Variants in GREM2 observed in about 807,000 individuals in gnomAD.
GREM2 encodes gremlin 2, DAN family BMP antagonist.
A neutral mutation model predicts 14.2 loss-of-function variants in GREM2; 11 were observed. The ratio of observed to expected loss-of-function variants is 0.78; its 90% CI spans 0.49 to 1.28. The LOEUF is 1.28. GREM2 is among the 50% of genes most tolerant of loss of function. GREM2 has a pLI of 0.00. For missense variants in GREM2, 210 were observed against 218.5 expected, an observed-to-expected ratio of 0.96 and a Z score of 0.24; for synonymous variants, 98 against 97.6, an observed-to-expected ratio of 1.00 and a Z score of -0.02.
chr1:240,526,677 A>G (rs1419845687), intron 1 of GREM2, among the ~76,000 whole-genome samples: 2 of 152,224 alleles, frequency 1.3e-5, no homozygotes, highest in African/African-American at 4.8e-5. Flanking sequence ...CTCCGTGCTT[A>G]CGTGGACGTG....
At chr1:240,528,725 A>G (rs1281080679) in intron 1 of GREM2, among the ~76,000 whole-genome samples, 1 of 152,130 alleles carries the variant, frequency 6.6e-6, no homozygotes, top group African/African-American at 2.4e-5. Flanking sequence ...CTGGCTTCTC[A>G]GTTGCAGCCG....
At chr1:240,510,342 C>T (rs1358407737) in intron 1 of GREM2, among the ~76,000 whole-genome samples, 2 of 129,404 alleles carry the variant, frequency 1.5e-5, no homozygotes, top group African/African-American at 3.0e-5. Context: ...TGCACTCCAG[C>T]CTGGGCGACA....
intron 1 of GREM2, among the ~76,000 whole-genome samples, chr1:240,495,527 A>T (rs1248928818): frequency 2.0e-5 from 3 of 152,210 alleles, no homozygotes; most frequent in Admixed American, 2.0e-4. Flanking sequence ...AGTACATCAA[A>T]CACTTACAGT....
intron 1 of GREM2, among the ~76,000 whole-genome samples, chr1:240,553,359 T>C (rs1678893829): frequency 6.6e-6 from 1 of 152,224 alleles, no homozygotes; most frequent in African/African-American, 2.4e-5. Context: ...GGGCAAATAA[T>C]ACATGCAATT....
At chr1:240,509,087 G>C (rs1029677184) in intron 1 of GREM2, among the ~76,000 whole-genome samples, 1 of 152,190 alleles carries the variant, frequency 6.6e-6, no homozygotes, top group Admixed American at 6.5e-5. Flanking sequence ...CCCATGTTTA[G>C]AGTAGAGGAC....
intron 1 of GREM2, among the ~76,000 whole-genome samples, chr1:240,521,306 C>A (rs143180833): frequency 3.3e-5 from 5 of 152,144 alleles, no homozygotes; most frequent in African/African-American, 1.2e-4. Context: ...CGGTGGCTCA[C>A]GCCTGTAATC....
At chr1:240,502,866 C>A (rs1003687472) in intron 1 of GREM2, among the ~76,000 whole-genome samples, 7 of 152,164 alleles carry the variant, frequency 4.6e-5, no homozygotes, top group Admixed American at 3.3e-4. Context: ...GTGGTTGGTC[C>A]AAGCCAATTG....
rs1261199860 is a variant in GREM2 at position 240,606,677 on chromosome 1, C to CTT, written c.-2+5205_-2+5206dup. ...TGGAAGAGTTAAGATTGAAACAGTT[C>CTT]TTTTTTTTTTTTTTTTTTGAGGTGG... On this transcript the variant is annotated intron_variant, in intron 1 of 1. Coordinates refer to ENST00000318160, the MANE Select transcript of GREM2 (RefSeq NM_022469.4). Among the ~76,000 whole-genome samples the CTT allele has an allele frequency of 1.2e-3, 159 of 131,318 alleles. 1 individual carries two copies. The highest frequency in any genetic ancestry group is 4.1e-3 in the African/African-American group (145 of 35,318). 86.1% of individuals were successfully genotyped at this position (131,318 alleles called of 152,430 possible).
At chr1:240,588,941 C>T (rs1199829474) in intron 1 of GREM2, 1 of 151,890 alleles carries the variant, frequency 6.6e-6, no homozygotes, top group African/African-American at 2.4e-5. Flanking sequence ...ATGAGACCCA[C>T]ATCCCTATAA....
At chr1:240,524,396 C>A (rs1468059013) in intron 1 of GREM2, among the ~76,000 whole-genome samples, 1 of 151,994 alleles carries the variant, frequency 6.6e-6, no homozygotes, top group African/African-American at 2.4e-5. Context: ...AGTTCATTGT[C>A]TTTTGATTTG....
At chr1:240,584,124 A>G (rs1679543129) in intron 1 of GREM2, among the ~76,000 whole-genome samples, 1 of 152,178 alleles carries the variant, frequency 6.6e-6, no homozygotes, top group South Asian at 2.1e-4. Context: ...AAAGAAAGCA[A>G]TGACTACAAC....
chr1:240,572,729 A>G (rs17686908), intron 1 of GREM2, among the ~76,000 whole-genome samples: 5,011 of 152,268 alleles, frequency 0.033, 107 homozygotes, highest in Middle Eastern at 0.082. Context: ...AAAAATTGTG[A>G]TGGAACTGAC....
intron 1 of GREM2, among the ~76,000 whole-genome samples, chr1:240,601,811 G>A (rs1679930644): frequency 6.6e-6 from 1 of 151,716 alleles, no homozygotes; most frequent in Admixed American, 6.6e-5. Flanking sequence ...GGAGGCTGAG[G>A]CAGGAGAATC....
intron 1 of GREM2, among the ~76,000 whole-genome samples, chr1:240,592,921 G>A (rs549558552): frequency 6.6e-6 from 1 of 150,582 alleles, no homozygotes; most frequent in Middle Eastern, 3.2e-3. Flanking sequence ...ATCACCTGAG[G>A]ACAGAAGTTC....
At chr1:240,526,829 C>T (rs1013447704) in intron 1 of GREM2, among the ~76,000 whole-genome samples, 1 of 152,140 alleles carries the variant, frequency 6.6e-6, no homozygotes, top group Non-Finnish European at 1.5e-5. Flanking sequence ...ATTTGGATGT[C>T]GCCAGGTTAA....
chr1:240,537,514 G>A (rs4567268), intron 1 of GREM2, among the ~76,000 whole-genome samples: 72 of 152,220 alleles, frequency 4.7e-4, no homozygotes, highest in African/African-American at 1.5e-3. Context: ...AGTTCAGGCC[G>A]GGCACGGTGG....
intron 1 of GREM2, among the ~76,000 whole-genome samples, chr1:240,526,529 T>C (rs912002792): frequency 1.3e-5 from 2 of 152,106 alleles, no homozygotes; most frequent in African/African-American, 4.8e-5. Flanking sequence ...CTAGCCTCGG[T>C]GCCACGGCCT....
intron 1 of GREM2, among the ~76,000 whole-genome samples, chr1:240,536,691 CGGGGGCTGT>C (rs1558153640): frequency 0.012 from 1,399 of 121,032 alleles, 39 homozygotes; most frequent in Non-Finnish European, 0.014. Flanking sequence ...AAAATGGCAG[CGGGGGCTGT>C]AGATCTGGAA....
chr1:240,581,978 C>T (rs1254052457), intron 1 of GREM2, among the ~76,000 whole-genome samples: 1 of 152,196 alleles, frequency 6.6e-6, no homozygotes, highest in Non-Finnish European at 1.5e-5. Context: ...TTCATGATCT[C>T]CTGAAGCCTC....
Sources: allele counts gnomAD v4.1 joint callset (sites outside exome capture counted in the v4.1 genomes callset), GRCh38; gene constraint gnomAD v4.1.1; transcripts MANE v1.5; gene names NCBI Gene and HGNC (gene_info 2026-07-23, HGNC 2026-07-21).